The following EPB41L2 variants were observed in gnomAD, a reference collection of about 807,000 sequenced individuals.
EPB41L2 encodes the protein band 4.1-like protein 2.
In EPB41L2, 43 loss-of-function variants were observed where a neutral mutation model predicts 113.0. The observed-to-expected ratio is 0.38, with a 90% CI of 0.30 to 0.49. The LOEUF (loss-of-function observed/expected upper bound fraction) is 0.49, where lower values mean the gene tolerates loss of function less well. Ranked by LOEUF, EPB41L2 falls within the 20% of genes least tolerant of loss-of-function variation. The pLI, the probability that EPB41L2 is intolerant of heterozygous loss-of-function variation, is 0.95. For synonymous variants in EPB41L2, 442 were observed against 436.7 expected (o/e 1.01, Z -0.15); for missense variants, 1,147 against 1,223.4 (o/e 0.94, Z 0.93).
At chr6:130,947,411 ATAAC>A (rs1813315481) in intron 3 of EPB41L2, among the ~76,000 whole-genome samples, 1 of 152,188 alleles carries the variant, frequency 6.6e-6, no homozygotes, top group African/African-American at 2.4e-5. Flanking sequence ...AGAACAAACA[ATAAC>A]TACAGTCCTC....
At chr6:130,885,413 C>A in intron 11 of EPB41L2, 145 bp from the exon 12 acceptor site, 1 of 705,642 alleles carries the variant, frequency 1.4e-6, no homozygotes, top group Non-Finnish European at 2.3e-6. Flanking sequence ...AAAATACCCA[C>A]CATATAAAAT....
chr6:130,955,440 T>C, intron 2 of EPB41L2, 123 bp from the exon 3 acceptor site: 1 of 958,420 alleles, frequency 1.0e-6, no homozygotes, highest in Non-Finnish European at 1.5e-6. Flanking sequence ...CTTTCAGATT[T>C]TTAAAGACTT....
chr6:130,878,678 G>A (rs1330811015), intron 13 of EPB41L2: 1 of 155,126 alleles, frequency 6.4e-6, no homozygotes. Context: ...ATTGCATTCT[G>A]TGAATATAGG....
intron 19 of EPB41L2, among the ~76,000 whole-genome samples, chr6:130,851,952 A>G (rs924333342): frequency 6.6e-6 from 1 of 152,146 alleles, no homozygotes; most frequent in Non-Finnish European, 1.5e-5. Context: ...TACACAATTC[A>G]TTCAGGGGAC....
intron 3 of EPB41L2, among the ~76,000 whole-genome samples, chr6:130,952,356 A>G (rs1029512801): frequency 6.6e-6 from 1 of 151,416 alleles, no homozygotes; most frequent in African/African-American, 2.4e-5. Context: ...AATGTTCACT[A>G]AAGAACTATT....
At chr6:130,938,533 T>C (rs1309299795) in intron 3 of EPB41L2, among the ~76,000 whole-genome samples, 2 of 152,118 alleles carry the variant, frequency 1.3e-5, no homozygotes, top group East Asian at 1.9e-4. Flanking sequence ...AGAAAGAACC[T>C]AGAATTCAGA....
chr6:131,010,722 T>C (rs1342874009), intron 1 of EPB41L2, among the ~76,000 whole-genome samples: 1 of 152,108 alleles, frequency 6.6e-6, no homozygotes, highest in African/African-American at 2.4e-5. Context: ...CAGAATTAAA[T>C]CATCAATTTT....
intron 18 of EPB41L2, among the ~76,000 whole-genome samples, chr6:130,862,300 G>T (rs1360784585): frequency 1.1e-5 from 1 of 90,040 alleles, no homozygotes. Flanking sequence ...TCAATGGGGA[G>T]AGGGGGGTGG....
intron 4 of EPB41L2, among the ~76,000 whole-genome samples, chr6:130,919,976 AT>A (rs397970115): frequency 1.5e-4 from 22 of 148,906 alleles, no homozygotes; most frequent in African/African-American, 1.2e-4. Flanking sequence ...CTCAACTAAG[AT>A]TTTTTTTTTT....
chr6:131,013,247 A>ATAT (rs201323335), intron 1 of EPB41L2, among the ~76,000 whole-genome samples: 2 of 149,202 alleles, frequency 1.3e-5, no homozygotes, highest in African/African-American at 2.4e-5. Flanking sequence ...AAGAAAAAAA[A>ATAT]AAATATATAT....
Position 131,059,336 on chromosome 6 carries a change from G to A in EPB41L2, c.-15+3819C>T, listed in dbSNP as rs566657882. Among the ~76,000 whole-genome samples, 29 of 152,190 alleles carry A rather than the reference G, an allele frequency of 1.9e-4. 1 individual carries two copies. The highest frequency in any genetic ancestry group is 7.0e-4 in the African/African-American group (29 of 41,534). On this transcript the variant is annotated intron_variant, in intron 1 of 19. Coordinates refer to ENST00000337057, the MANE Select transcript of EPB41L2 (RefSeq NM_001431.4). ...TCACCGTGTTAGCCAGGATGGTCTC[G>A]ATCTCCTGACCTCATGATCCACCCG...
intron 3 of EPB41L2, among the ~76,000 whole-genome samples, chr6:130,931,468 A>T (rs1806842574): frequency 6.6e-6 from 1 of 152,198 alleles, no homozygotes; most frequent in Admixed American, 6.5e-5. Flanking sequence ...CAAAAAGGCA[A>T]ACAAAATAAG....
chr6:131,055,115 T>C (rs949666732), intron 1 of EPB41L2, among the ~76,000 whole-genome samples: 6 of 152,198 alleles, frequency 3.9e-5, no homozygotes, highest in African/African-American at 1.2e-4. Context: ...CTCCAACAAG[T>C]AGTTGCCTCA....
At chr6:130,857,167 T>C (rs901485297) in intron 19 of EPB41L2, among the ~76,000 whole-genome samples, 2 of 152,228 alleles carry the variant, frequency 1.3e-5, no homozygotes, top group Admixed American at 6.5e-5. Context: ...CAGCAGTATA[T>C]ATTTCCTGCA....
intron 10 of EPB41L2, among the ~76,000 whole-genome samples, chr6:130,891,976 C>T (rs1288419743): frequency 6.6e-6 from 1 of 152,126 alleles, no homozygotes. Context: ...TAGATATATT[C>T]TTTTATATAG....
At chr6:130,966,649 G>A (rs1341067082) in intron 1 of EPB41L2, among the ~76,000 whole-genome samples, 1 of 152,140 alleles carries the variant, frequency 6.6e-6, no homozygotes, top group African/African-American at 2.4e-5. Flanking sequence ...AGATATGGGA[G>A]ACAATGTTTT....
At chr6:130,952,205 T>C (rs79264903) in intron 3 of EPB41L2, among the ~76,000 whole-genome samples, 1,636 of 152,148 alleles carry the variant, frequency 0.011, 15 homozygotes, top group Non-Finnish European at 0.018. Context: ...GAAATGTAAA[T>C]GGTCAATTTT....
intron 1 of EPB41L2, among the ~76,000 whole-genome samples, chr6:131,049,188 G>T (rs993182267): frequency 6.6e-6 from 1 of 152,202 alleles, no homozygotes; most frequent in African/African-American, 2.4e-5. Context: ...GCAGAGGGAG[G>T]TGGGGGAAGA....
chr6:130,965,860 C>A (rs1419329626), intron 1 of EPB41L2, among the ~76,000 whole-genome samples: 1 of 152,102 alleles, frequency 6.6e-6, no homozygotes, highest in Non-Finnish European at 1.5e-5. Context: ...CAGTGGAAGT[C>A]AATTTGCCAA....
Sources: gnomAD v4.1 joint callset for allele counts (sites outside exome capture counted in the v4.1 genomes callset) on GRCh38, gnomAD v4.1.1 for gene constraint, MANE v1.5 for transcripts, NCBI Gene and HGNC (gene_info 2026-07-23, HGNC 2026-07-21) for gene names.